The following TASOR2 variants were observed in gnomAD, a reference collection of about 807,000 sequenced individuals.
TASOR2 encodes transcription activation suppressor family member 2.
TASOR2 carries 84 observed loss-of-function variants against 199.5 expected under a neutral mutation model. That is an observed-to-expected ratio of 0.42 (90% CI 0.35 to 0.50). The LOEUF is 0.50. Ranked by LOEUF, TASOR2 falls within the 20% of genes least tolerant of loss-of-function variation. TASOR2 has a pLI of 0.02. For synonymous variants in TASOR2, 1,103 were observed against 1,046.6 expected (o/e 1.05, Z -1.04); for missense variants, 2,796 against 2,835.9 (o/e 0.99, Z 0.32).
At chr10:5,693,238 C>A (rs1836696508) in intron 1 of TASOR2, among the ~76,000 whole-genome samples, 1 of 152,176 alleles carries the variant, frequency 6.6e-6, no homozygotes. Flanking sequence ...CCTTGCAGAA[C>A]CGCCAGAGAG....
chr10:5,690,287 CTTAG>C lies in TASOR2; in HGVS notation c.-288+5114_-288+5117del, dbSNP rs1433079316. ...GTATCTGGAGTGTACTTTGTTTTCTCTTAGTAAGATTTTAATTACATTTAATCGG... is the reference window on the plus strand; with the variant it reads ...GTATCTGGAGTGTACTTTGTTTTCTCTAAGATTTTAATTACATTTAATCGG... On this transcript the variant is annotated intron_variant, in intron 1 of 20. Coordinates refer to ENST00000328090, the Ensembl canonical transcript of TASOR2. This position sits in a 1 kb window ranked among gnomAD's most constrained non-coding sequence, Gnocchi z 4.8. Among the ~76,000 whole-genome samples, 1 of 152,080 alleles carries C rather than the reference CTTAG, an allele frequency of 6.6e-6. No individual in the cohort carries two copies. The highest frequency in any genetic ancestry group is 2.4e-5 in the African/African-American group (1 of 41,392).
chr10:5,727,180 C>G (rs1293274707), intron 10 of TASOR2, 57 bp downstream of exon 11: 2 of 1,570,060 alleles, frequency 1.3e-6, no homozygotes, highest in Non-Finnish European at 1.7e-6. Flanking sequence ...TAGTCCTCAT[C>G]TGACTTGACC....
In TASOR2 at chr10:5,748,382, T is replaced by G. The variant is rs572916978; in HGVS notation, c.4961T>G (p.Val1654Gly). Residue 1654 changes from valine to glycine, a missense_variant, in exon 15 of 21, where the codon GTG (valine) becomes GGG (glycine). This residue lies in a region of TASOR2 where 1,941 missense variants were observed against 1,924.9 expected (regional missense o/e 1.01). Transcript: ENST00000328090. The surrounding 1 kb of genome is among the most constrained non-coding windows in gnomAD (Gnocchi z 5.1). ...TCTACACAGGGATGCATGTGCTCAGTGGTCCCCACGCTTTGTTCTTCCTCA... is the reference window on the plus strand; with the variant it reads ...TCTACACAGGGATGCATGTGCTCAGGGGTCCCCACGCTTTGTTCTTCCTCA... 6.4e-5 allele frequency: 104 copies of G among 1,614,242 alleles called. No individual in the cohort carries two copies. In the South Asian group the frequency reaches 1.1e-3, roughly 17 times the overall value.
exon 1 of TASOR2, chr10:5,684,946 GGCGGCCGCGGCGTCCCTGTCA>G (rs1032701230): frequency 2.5e-6 from 1 of 397,846 alleles, no homozygotes; most frequent in Admixed American, 4.4e-5. Context: ...ACAGAGCGCG[GGCGGCCGCGGCGTCCCTGTCA>G]GCGCCCGCGG....
intron 16 of TASOR2, 84 bp from the exon 18 acceptor site, chr10:5,757,436 C>T (rs41306922): frequency 7.4e-7 from 1 of 1,350,274 alleles, no homozygotes; most frequent in Middle Eastern, 2.0e-4. Context: ...AACCTTGACT[C>T]TCTTGGATAG....
chr10:5,753,076 G>A (rs933105676), intron 15 of TASOR2, among the ~76,000 whole-genome samples: 2 of 152,156 alleles, frequency 1.3e-5, no homozygotes, highest in African/African-American at 4.8e-5. Context: ...TTAAAAACTG[G>A]TTGTGATTTG....
chr10:5,763,158 A>G, exon 21 of TASOR2: 1 of 908,010 alleles, frequency 1.1e-6, no homozygotes, highest in Non-Finnish European at 1.6e-6. Context: ...ATGTTCTACA[A>G]CTTGGAAAGT....
At chr10:5,711,746 A>T (rs1338712287) in intron 1 of TASOR2, among the ~76,000 whole-genome samples, 1 of 152,130 alleles carries the variant, frequency 6.6e-6, no homozygotes, top group Non-Finnish European at 1.5e-5. Context: ...GTATGGTTTG[A>T]AAAAAGCACC....
In TASOR2 at chr10:5,710,913, T is replaced by C. The variant is rs540043637; in HGVS notation, c.-287-1910T>C. ...AGTACAGATTATTTGTAAAATGAAT[T>C]TGAAAATGCTCAGGTTTGCCAGTTT... On this transcript the variant is annotated intron_variant, in intron 1 of 20. Coordinates refer to ENST00000328090, the Ensembl canonical transcript of TASOR2. The surrounding 1 kb of genome is among the most constrained non-coding windows in gnomAD (Gnocchi z 4.6). 1.2e-4 allele frequency among the ~76,000 whole-genome samples: 19 copies of C among 152,252 alleles called. No individual in the cohort carries two copies. Among genetic ancestry groups the C allele is most frequent in the African/African-American group, 4.3e-4 (18 of 41,574 alleles).
At chr10:5,762,471 C>T (rs964788838) in intron 19 of TASOR2, 61 bp from the exon 21 acceptor site, 5 of 437,312 alleles carry the variant, frequency 1.1e-5, no homozygotes, top group African/African-American at 8.7e-5. Context: ...AAACCAGGTC[C>T]TGTTATATAA....
Position 5,750,737 on chromosome 10 carries a change from C to A in TASOR2, c.6606+710C>A, listed in dbSNP as rs1445605771. 1.3e-5 allele frequency among the ~76,000 whole-genome samples: 2 copies of A among 152,096 alleles called. No homozygotes were observed. The highest frequency in any genetic ancestry group is 2.9e-5 in the Non-Finnish European group (2 of 68,040). The stretch of plus-strand genomic sequence containing the variant: ...TGCAAATGTGTTGCACACACAGTGT[C>A]CCATTACCTCTTGATACTTAAATGT... On this transcript the variant is annotated intron_variant, in intron 15 of 20. Coordinates refer to ENST00000328090, the Ensembl canonical transcript of TASOR2. This position sits in a 1 kb window ranked among gnomAD's most constrained non-coding sequence, Gnocchi z 5.4.
chr10:5,762,656 CTT>C lies in TASOR2; in HGVS notation c.7289+14_7289+15del. The C allele has an allele frequency of 8.2e-7, 1 of 1,226,648 alleles. No homozygotes were observed. Among genetic ancestry groups the C allele is most frequent in the Non-Finnish European group, 1.2e-6 (1 of 857,652 alleles). The allele number at this position is 1,226,648 out of a possible 1,614,324, so 76.0% of individuals were successfully genotyped here. A position where few individuals can be genotyped will look rare whatever the true frequency, so the allele number is the denominator to read the frequency against. On this transcript the variant is annotated intron_variant, in intron 20 of 20. Transcript: ENST00000328090. ...TTAGGAGTAGCTATTGGTAAGAACA[CTT>C]TTTATGTAACTTTCCCATGTGAGTT...
exon 15 of TASOR2, chr10:5,749,730 A>G: frequency 6.2e-7 from 1 of 1,614,238 alleles, no homozygotes; most frequent in Non-Finnish European, 8.5e-7. Context: ...CTGTGAAGGA[A>G]TCTCGGAATG....
chr10:5,742,531 G>A lies in TASOR2; in HGVS notation c.2757+5G>A, dbSNP rs747191934. On this transcript the variant is annotated splice_donor_5th_base_variant and intron_variant, in intron 14 of 20. Transcript: ENST00000328090. The surrounding 1 kb of genome is among the most constrained non-coding windows in gnomAD (Gnocchi z 4.2). ...ATCTGTTCTTACAATAATGAGGTAT[G>A]TAAAGCTGAATACCGTTAAATGTTG... is the stretch of plus-strand genomic sequence containing the variant. The A allele has an allele frequency of 5.6e-6, 9 of 1,605,382 alleles. No homozygotes were observed. In the Admixed American group the frequency reaches 1.6e-4, roughly 28 times the overall value.
At position 5,747,553 on chromosome 10, in the gene TASOR2, CT is replaced by C; in HGVS notation, c.4134del (p.Glu1379ArgfsTer8). On this transcript the variant is annotated frameshift_variant, in exon 15 of 21. Coordinates refer to ENST00000328090, the Ensembl canonical transcript of TASOR2. LOFTEE classifies it high-confidence loss of function. ...AATACTTTCTAAAGAAAATTGCACC[CT>C]TGAGATTGCAGAGGAAATTAATGTG... is the stretch of plus-strand genomic sequence containing the variant. 6.2e-7 allele frequency: 1 copy of C among 1,614,098 alleles called. No individual in the cohort carries two copies. The highest frequency in any genetic ancestry group is 8.5e-7 in the Non-Finnish European group (1 of 1,179,998).
intron 15 of TASOR2, among the ~76,000 whole-genome samples, chr10:5,755,078 G>A (rs1838731509): frequency 6.7e-6 from 1 of 148,508 alleles, no homozygotes; most frequent in Non-Finnish European, 1.5e-5. Flanking sequence ...AGAGAAATCT[G>A]AGGGTGTGAC....
exon 15 of TASOR2, chr10:5,746,839 T>A (rs780264948): frequency 1.2e-6 from 2 of 1,614,158 alleles, no homozygotes; most frequent in Non-Finnish European, 8.5e-7. Context: ...AGCAGTGTGT[T>A]CATTACAGAA....
rs1404133876 is a variant in TASOR2, at chr10:5,756,750, A to G, written c.6732+12A>G. 6.2e-7 allele frequency: 1 copy of G among 1,610,024 alleles called. No homozygotes were observed. The highest frequency in any genetic ancestry group is 1.3e-5 in the African/African-American group (1 of 74,852). Reference sequence around the variant, plus strand: ...CACATTTGCATCAGGTCGGTTGGAAATACCTTACAAAGAAACGTATTCCAG... The same window carrying G: ...CACATTTGCATCAGGTCGGTTGGAAGTACCTTACAAAGAAACGTATTCCAG... On this transcript the variant is annotated intron_variant, in intron 16 of 20. Transcript: ENST00000328090.
chr10:5,746,925 T>A (rs1417783305), exon 15 of TASOR2: 1 of 1,614,244 alleles, frequency 6.2e-7, no homozygotes, highest in East Asian at 2.2e-5. Context: ...CTAAAAGTTC[T>A]AGTCATCTAT....
Sources: allele counts gnomAD v4.1 joint callset (sites outside exome capture counted in the v4.1 genomes callset), GRCh38; gene constraint gnomAD v4.1.1; regional missense constraint gnomAD v4.1.1; non-coding constraint Gnocchi (gnomAD v3.1); transcripts MANE v1.5; gene names NCBI Gene and HGNC (gene_info 2026-07-23, HGNC 2026-07-21).